The following COL15A1 variants were observed in gnomAD, a reference collection of about 807,000 sequenced individuals.
COL15A1 encodes collagen alpha-1(XV) chain.
In COL15A1, 111 loss-of-function variants were observed where a neutral mutation model predicts 165.9. That is an observed-to-expected ratio of 0.67 (90% CI 0.57 to 0.78). COL15A1 has a LOEUF of 0.78. Among genes scored for constraint, COL15A1 ranks in the 30% least tolerant of loss-of-function variants. The pLI, the probability that COL15A1 is intolerant of heterozygous loss-of-function variation, is 0.00. For missense variants in COL15A1, 1,745 were observed against 1,789.7 expected (o/e 0.98, Z 0.45); for synonymous variants, 659 against 674.8 (o/e 0.98, Z 0.36).
chr9:98,963,951 T>C (rs1313442889), intron 2 of COL15A1, among the ~76,000 whole-genome samples: 7 of 152,128 alleles, frequency 4.6e-5, no homozygotes, highest in Admixed American at 2.0e-4. Context: ...ATGAACAAAA[T>C]GGACAGAATA....
At chr9:99,030,730 C>T (rs1373140485) in intron 16 of COL15A1, among the ~76,000 whole-genome samples, 4 of 152,162 alleles carry the variant, frequency 2.6e-5, no homozygotes, top group South Asian at 2.1e-4. Flanking sequence ...CAAGATCAGC[C>T]GGCCATGCAG....
chr9:98,957,035 C>T (rs1837787509), intron 2 of COL15A1, among the ~76,000 whole-genome samples: 2 of 152,170 alleles, frequency 1.3e-5, no homozygotes, highest in South Asian at 2.1e-4. Flanking sequence ...ACCCCCAGGA[C>T]GTGTCACTCC....
Position 99,015,383 on chromosome 9 carries a change from A to G in COL15A1, c.1354-34A>G, listed in dbSNP as rs1554688588. On this transcript the variant is annotated intron_variant, in intron 9 of 41. Transcript: ENST00000375001. Reference sequence around the variant, plus strand: ...CCCACTGAACCAGGGGCATGGGCGAAGGGGCACAGCTCCTCATGCCAATTT... The same window carrying G: ...CCCACTGAACCAGGGGCATGGGCGAGGGGGCACAGCTCCTCATGCCAATTT... 5.8e-6 allele frequency: 9 copies of G among 1,556,474 alleles called. No homozygotes were observed. The Admixed American group carries it at 1.5e-4, about 26-fold the overall frequency.
intron 13 of COL15A1, 138 bp downstream of exon 13, chr9:99,022,288 A>G (rs1325671661): frequency 2.1e-6 from 2 of 964,502 alleles, no homozygotes; most frequent in Non-Finnish European, 3.2e-6. Flanking sequence ...TGCCTCTACT[A>G]GGACTCTGCA....
intron 17 of COL15A1, 135 bp from the exon 18 acceptor site, chr9:99,034,879 C>T (rs549901403): frequency 2.0e-4 from 180 of 905,218 alleles, no homozygotes; most frequent in Non-Finnish European, 3.0e-4. Flanking sequence ...TGTTTCTGTA[C>T]CATTAAGTGG....
Position 99,036,206 on chromosome 9 carries a change from G to A in COL15A1, c.2325+1G>A. 6.2e-7 allele frequency: 1 copy of A among 1,612,786 alleles called. No homozygotes were observed. The highest frequency in any genetic ancestry group is 8.5e-7 in the Non-Finnish European group (1 of 1,178,912). On this transcript the variant is annotated splice_donor_variant, in intron 20 of 41. Coordinates refer to ENST00000375001, the MANE Select transcript of COL15A1 (RefSeq NM_001855.5). LOFTEE classifies it high-confidence loss of function. ...AGAGAAAGGAGACCGGGGACCCAAG[G>A]TGAGGTCACAGAGCCAAGGTGGGGG...
intron 36 of COL15A1, among the ~76,000 whole-genome samples, chr9:99,061,425 A>G (rs927428589): frequency 6.6e-6 from 1 of 152,230 alleles, no homozygotes; most frequent in African/African-American, 2.4e-5. Flanking sequence ...TTTTCTAGGC[A>G]GAGAAATTAC....
At chr9:99,007,234 T>C (rs373630246) in intron 9 of COL15A1, among the ~76,000 whole-genome samples, 3 of 152,218 alleles carry the variant, frequency 2.0e-5, no homozygotes, top group African/African-American at 7.2e-5. Context: ...GTCTGTCCTT[T>C]GTCTGTAAGG....
chr9:99,007,037 A>G (rs1341523223), intron 9 of COL15A1, among the ~76,000 whole-genome samples: 1 of 152,228 alleles, frequency 6.6e-6, no homozygotes, highest in African/African-American at 2.4e-5. Context: ...ACATCAATCA[A>G]TATATGTAAG....
At position 99,049,901 on chromosome 9, in the gene COL15A1, T is replaced by C; in HGVS notation, c.2904+6T>C. 6.2e-7 allele frequency: 1 copy of C among 1,614,250 alleles called. No individual in the cohort carries two copies. The highest frequency in any genetic ancestry group is 8.5e-7 in the Non-Finnish European group (1 of 1,180,038). ...GACCACACTGCAAAATGCCAGTAAG[T>C]AGCAATCACTGCCTTAAAGAGCAGG... is the stretch of plus-strand genomic sequence containing the variant. On this transcript the variant is annotated splice_donor_region_variant and intron_variant, in intron 30 of 41. Transcript: ENST00000375001.
intron 9 of COL15A1, among the ~76,000 whole-genome samples, chr9:99,014,129 C>A (rs570401054): frequency 2.6e-5 from 4 of 152,086 alleles, no homozygotes; most frequent in African/African-American, 9.6e-5. Flanking sequence ...CCAAAAAAAC[C>A]CTAACAACAT....
At position 99,047,789 on chromosome 9, in the gene COL15A1, C is replaced by T. The variant is rs746611887; in HGVS notation, c.2683C>T (p.Pro895Ser). 1.2e-6 allele frequency: 2 copies of T among 1,614,036 alleles called. No homozygotes were observed. The highest frequency in any genetic ancestry group is 2.2e-5 in the South Asian group (2 of 91,078). Residue 895 changes from proline to serine, a missense_variant, in exon 27 of 42, where the codon CCC (proline) becomes TCC (serine). By Grantham distance (74) the Pro-to-Ser change is moderately conservative. Coordinates refer to ENST00000375001, the MANE Select transcript of COL15A1 (RefSeq NM_001855.5). Reference protein sequence around the residue: ...GMHGAPGPMGPKGPPGHKGEF... With the variant: ...GMHGAPGPMGSKGPPGHKGEF... Reference sequence around the variant, plus strand: ...CTGGCATTTGTTTTGCCTCTAGGGGCCCAAAGGACCACCAGGACATAAAGG... The same window carrying T: ...CTGGCATTTGTTTTGCCTCTAGGGGTCCAAAGGACCACCAGGACATAAAGG...
intron 2 of COL15A1, among the ~76,000 whole-genome samples, chr9:98,983,175 G>A (rs558445130): frequency 1.2e-4 from 18 of 152,254 alleles, no homozygotes; most frequent in African/African-American, 4.3e-4. Context: ...TACTGGCGGT[G>A]AGCAGCCTTC....
At chr9:98,953,397 C>T (rs939549547) in intron 2 of COL15A1, among the ~76,000 whole-genome samples, 3 of 152,062 alleles carry the variant, frequency 2.0e-5, no homozygotes, top group African/African-American at 4.8e-5. Context: ...GAATGCAGCC[C>T]ACTCTTTATC....
rs762244364 is a variant in COL15A1 at position 99,000,957 on chromosome 9, T to C, written c.1065+6T>C. The C allele has an allele frequency of 5.4e-6, 7 of 1,302,042 alleles. No individual in the cohort carries two copies. The Admixed American group carries it at 1.0e-4, about 19-fold the overall frequency. 80.7% of individuals were successfully genotyped at this position (1,302,042 alleles called of 1,614,324 possible). On this transcript the variant is annotated splice_donor_region_variant and intron_variant, in intron 7 of 41. Coordinates refer to ENST00000375001, the MANE Select transcript of COL15A1 (RefSeq NM_001855.5). The stretch of plus-strand genomic sequence containing the variant: ...TTGACATTGCTGAAGAAAAGGTGAG[T>C]AGATGGTAAATTTCATTTGATTAGT...
intron 2 of COL15A1, among the ~76,000 whole-genome samples, chr9:98,952,041 T>C (rs1340397892): frequency 1.3e-5 from 2 of 152,184 alleles, no homozygotes; most frequent in African/African-American, 4.8e-5. Context: ...AACTGCTACA[T>C]AGGAAGTTCT....
intron 5 of COL15A1, among the ~76,000 whole-genome samples, chr9:98,991,273 C>T (rs1248514365): frequency 6.6e-6 from 1 of 152,058 alleles, no homozygotes; most frequent in East Asian, 1.9e-4. Context: ...CCCCCCACAT[C>T]CTGCTGATTG....
intron 30 of COL15A1, among the ~76,000 whole-genome samples, chr9:99,052,150 G>C (rs984877035): frequency 2.0e-5 from 3 of 152,172 alleles, no homozygotes; most frequent in African/African-American, 7.2e-5. Flanking sequence ...TGGCCATTAG[G>C]CCTCAGCTCT....
chr9:99,018,633 A>T (rs1320119332), intron 11 of COL15A1, among the ~76,000 whole-genome samples: 1 of 152,248 alleles, frequency 6.6e-6, no homozygotes, highest in Admixed American at 6.5e-5. Flanking sequence ...AGCCAACAAT[A>T]GAAGATTAAT....
Sources: allele counts gnomAD v4.1 joint callset (sites outside exome capture counted in the v4.1 genomes callset), GRCh38; gene constraint gnomAD v4.1.1; transcripts MANE v1.5; gene names NCBI Gene and HGNC (gene_info 2026-07-23, HGNC 2026-07-21).